Variants in BPIFB1 observed in about 807,000 individuals in gnomAD.
BPIFB1 encodes the protein BPI fold containing family B member 1.
A neutral mutation model predicts 55.1 loss-of-function variants in BPIFB1; 34 were observed. The ratio of observed to expected loss-of-function variants is 0.62; its 90% CI spans 0.47 to 0.82. BPIFB1 has a LOEUF of 0.82. Among genes scored for constraint, BPIFB1 ranks in the 40% least tolerant of loss-of-function variants. The pLI is 0.00. For synonymous variants in BPIFB1, 236 were observed against 245.3 expected, an observed-to-expected ratio of 0.96 and a Z score of 0.35; for missense variants, 532 against 593.1, an observed-to-expected ratio of 0.90 and a Z score of 1.07.
At chr20:33,290,069 C>T in intron 4 of BPIFB1, 77 bp downstream of exon 4, 2 of 1,141,186 alleles carry the variant, frequency 1.8e-6, no homozygotes, top group Non-Finnish European at 2.6e-6. Context: ...CCCCACCATG[C>T]AGGTGTCTGG....
intron 9 of BPIFB1, 114 bp from the exon 10 acceptor site, chr20:33,302,244 TG>T: frequency 1.9e-6 from 2 of 1,067,652 alleles, no homozygotes; most frequent in Non-Finnish European, 2.9e-6. Context: ...CTTGGGTCAC[TG>T]GGCCCACCCA....
chr20:33,295,160 A>G (rs1157243575), intron 6 of BPIFB1, among the ~76,000 whole-genome samples: 2 of 152,090 alleles, frequency 1.3e-5, no homozygotes, highest in Admixed American at 1.3e-4. Flanking sequence ...GGTTGCAGTG[A>G]GCTGAGATAA....
chr20:33,290,885 G>A (rs548720768), intron 4 of BPIFB1, 72 bp from the exon 5 acceptor site: 1 of 1,543,432 alleles, frequency 6.5e-7, no homozygotes, highest in Non-Finnish European at 8.8e-7. Flanking sequence ...CTGGAAGACA[G>A]AGACGGACGG....
At chr20:33,295,654 A>AAGACAGAG (rs1424438480) in intron 6 of BPIFB1, among the ~76,000 whole-genome samples, 7 of 150,612 alleles carry the variant, frequency 4.6e-5, no homozygotes, top group African/African-American at 1.7e-4. Context: ...AGAAGAAAGA[A>AAGACAGAG]AGAAAGAGAG....
chr20:33,287,525 G>A (rs1980308096), intron 2 of BPIFB1, among the ~76,000 whole-genome samples: 1 of 152,230 alleles, frequency 6.6e-6, no homozygotes, highest in African/African-American at 2.4e-5. Flanking sequence ...TAGGGATGGA[G>A]GGGGTAGCCA....
In BPIFB1 at chr20:33,299,887, G is replaced by A; in HGVS notation, c.662-12G>A. On this transcript the variant is annotated splice_polypyrimidine_tract_variant and intron_variant, in intron 7 of 15. Coordinates refer to ENST00000253354, the MANE Select transcript of BPIFB1 (RefSeq NM_033197.3). ...TCCACCCTCACAGAACTTTCTTCTT[G>A]TCCTTGAGCAGTGCCCATTTCCCTC... 6.2e-7 allele frequency: 1 copy of A among 1,613,240 alleles called. No individual in the cohort carries two copies. Among genetic ancestry groups the A allele is most frequent in the South Asian group, 1.1e-5 (1 of 91,056 alleles).
In BPIFB1 at chr20:33,295,645, G is replaced by GAAGAAAGAAAGACAGAGAGA. The variant is rs1555797813; in HGVS notation, c.598-1868_598-1867insCAGAGAGAAAGAAAGAAAGA. On this transcript the variant is annotated intron_variant, in intron 6 of 15. Transcript: ENST00000253354. ...CTCGAAAGAAGAAAGAAAGAGAGAA[G>GAAGAAAGAAAGACAGAGAGA]AAGAAAGAAAGAAAGAGAGAAAGAA... 1.6e-4 allele frequency among the ~76,000 whole-genome samples: 20 copies of GAAGAAAGAAAGACAGAGAGA among 125,416 alleles called. 1 individual carries two copies. The highest frequency in any genetic ancestry group is 7.7e-4 in the African/African-American group (18 of 23,414). The allele number at this position is 125,416 out of a possible 152,430, so 82.3% of individuals were successfully genotyped here.
In BPIFB1 at chr20:33,286,047, A is replaced by G; in HGVS notation, c.-27A>G. ...GCTCACCCCAGGTCTGGCATCCTGC[A>G]CTTGCTGCCCTCTGACACCTGGGAA... On this transcript the variant is annotated 5_prime_UTR_variant, in exon 2 of 16. Coordinates refer to ENST00000253354, the MANE Select transcript of BPIFB1 (RefSeq NM_033197.3). 6.2e-7 allele frequency: 1 copy of G among 1,609,166 alleles called. No homozygotes were observed. The highest frequency in any genetic ancestry group is 8.5e-7 in the Non-Finnish European group (1 of 1,175,754).
chr20:33,285,642 C>T (rs925674534), intron 1 of BPIFB1, among the ~76,000 whole-genome samples: 3 of 149,752 alleles, frequency 2.0e-5, no homozygotes, highest in African/African-American at 7.4e-5. Context: ...GGTGTGAACT[C>T]AGGAGGTGGA....
intron 12 of BPIFB1, among the ~76,000 whole-genome samples, chr20:33,304,482 G>T (rs762771177): frequency 6.6e-6 from 1 of 152,110 alleles, no homozygotes; most frequent in Non-Finnish European, 1.5e-5. Flanking sequence ...AATGAGTTGT[G>T]CACATATCAA....
intron 7 of BPIFB1, chr20:33,299,369 T>C (rs1049487604): frequency 2.8e-6 from 1 of 352,628 alleles, no homozygotes; most frequent in Non-Finnish European, 5.7e-6. Flanking sequence ...AGGAGCCAGT[T>C]TGGATTTCAG....
At chr20:33,299,804 T>G in intron 7 of BPIFB1, 95 bp from the exon 8 acceptor site, 32 of 705,692 alleles carry the variant, frequency 4.5e-5, no homozygotes, top group Middle Eastern at 2.7e-4. Flanking sequence ...TGCCCCCCCA[T>G]GCAACAGTAC....
intron 7 of BPIFB1, 67 bp from the exon 8 acceptor site, chr20:33,299,832 G>GC: frequency 7.3e-7 from 1 of 1,373,744 alleles, no homozygotes; most frequent in Non-Finnish European, 1.0e-6. Flanking sequence ...CCTGGAAGCA[G>GC]CCCCCCAACT....
chr20:33,297,312 C>A (rs1980685182), intron 6 of BPIFB1, among the ~76,000 whole-genome samples: 1 of 152,256 alleles, frequency 6.6e-6, no homozygotes, highest in African/African-American at 2.4e-5. Context: ...ACACCCTGGG[C>A]ACAGGGAAAG....
intron 7 of BPIFB1, chr20:33,299,095 T>C: frequency 2.2e-6 from 1 of 456,406 alleles, no homozygotes; most frequent in South Asian, 1.5e-5. Context: ...TGGCGGGCAC[T>C]ATACCCTCAT....
intron 1 of BPIFB1, 131 bp from the exon 2 acceptor site, chr20:33,285,902 G>T: frequency 1.7e-6 from 1 of 602,140 alleles, no homozygotes. Context: ...GATTGCCTAA[G>T]GCTACACAGC....
At chr20:33,296,844 G>C (rs1031092742) in intron 6 of BPIFB1, among the ~76,000 whole-genome samples, 1 of 152,212 alleles carries the variant, frequency 6.6e-6, no homozygotes, top group Non-Finnish European at 1.5e-5. Flanking sequence ...GGTCTGCCTT[G>C]CTGGCCTCTG....
At chr20:33,305,053 C>T (rs369892404) in intron 13 of BPIFB1, among the ~76,000 whole-genome samples, 162 bp downstream of exon 13, 1 of 152,184 alleles carries the variant, frequency 6.6e-6, no homozygotes, top group African/African-American at 2.4e-5. Flanking sequence ...CGAGTGTTTA[C>T]AGAGAAGCCA....
chr20:33,287,900 C>G (rs1263690842), intron 2 of BPIFB1, among the ~76,000 whole-genome samples: 1 of 152,214 alleles, frequency 6.6e-6, no homozygotes, highest in Non-Finnish European at 1.5e-5. Flanking sequence ...CCCCATGCCC[C>G]TCCAGAGTCT....
Sources: allele counts gnomAD v4.1 joint callset (sites outside exome capture counted in the v4.1 genomes callset), GRCh38; gene constraint gnomAD v4.1.1; transcripts MANE v1.5; gene names NCBI Gene and HGNC (gene_info 2026-07-23, HGNC 2026-07-21).